Variants in DNAH14 observed in about 807,000 individuals in gnomAD.
DNAH14 encodes the protein dynein axonemal heavy chain 14.
In DNAH14, 478 loss-of-function variants were observed where a neutral mutation model predicts 520.9. That is an observed-to-expected ratio of 0.92 (90% CI 0.85 to 0.99). DNAH14 has a LOEUF of 0.99. Ranked by LOEUF, DNAH14 falls within the 50% of genes least tolerant of loss-of-function variation. DNAH14 has a pLI of 0.00. For missense variants in DNAH14, 4,831 were observed against 5,234.5 expected (o/e 0.92, Z 2.38); for synonymous variants, 1,581 against 1,757.2 (o/e 0.90, Z 2.51).
chr1:225,044,080 T>C, intron 15 of DNAH14, 97 bp downstream of exon 15: 2 of 671,032 alleles, frequency 3.0e-6, no homozygotes, highest in Non-Finnish European at 5.0e-6. Context: ...ATGTGGCAGA[T>C]GTTACAGAAT....
At chr1:225,154,106 T>G (rs540171434) in intron 34 of DNAH14, among the ~76,000 whole-genome samples, 26 of 151,982 alleles carry the variant, frequency 1.7e-4, no homozygotes, top group African/African-American at 6.0e-4. Flanking sequence ...GAATAATAAC[T>G]CAATGAGAAA....
At position 225,152,689 on chromosome 1, in the gene DNAH14, C is replaced by G. The variant is rs1387012200; in HGVS notation, c.5010-8C>G. 2 of 1,512,064 alleles carry G rather than the reference C, an allele frequency of 1.3e-6. No individual in the cohort carries two copies. Among genetic ancestry groups the G allele is most frequent in the African/African-American group, 1.4e-5 (1 of 70,426 alleles). The allele number at this position is 1,512,064 out of a possible 1,614,324, so 93.7% of individuals were successfully genotyped here. Reference sequence around the variant, plus strand: ...GTTTTTATTGTTTGTTTTTCTTTTCCTCTTCAGATACGGAGGTGGAGTAGA... The same window carrying G: ...GTTTTTATTGTTTGTTTTTCTTTTCGTCTTCAGATACGGAGGTGGAGTAGA... On this transcript the variant is annotated splice_polypyrimidine_tract_variant and splice_region_variant and intron_variant, in intron 32 of 85. Coordinates refer to ENST00000682510, the MANE Select transcript of DNAH14 (RefSeq NM_001367479.1).
intron 36 of DNAH14, among the ~76,000 whole-genome samples, chr1:225,176,317 T>C (rs1426595785): frequency 1.3e-5 from 2 of 152,360 alleles, no homozygotes. Flanking sequence ...GAAAAGATAC[T>C]TGATTGGATT....
rs1250580614 is a variant in DNAH14 at position 225,264,191 on chromosome 1, T to C, written c.7158-6T>C. ...AATTTTGAATCCTTAAAATATTTCA[T>C]TCCAGTAGCCTAAAACAGAATATCA... On this transcript the variant is annotated splice_region_variant and splice_polypyrimidine_tract_variant and intron_variant, in intron 46 of 85. Transcript: ENST00000682510. 6.5e-7 allele frequency: 1 copy of C among 1,547,978 alleles called. No individual in the cohort carries two copies. The highest frequency in any genetic ancestry group is 1.2e-5 in the South Asian group (1 of 83,532).
At chr1:225,113,158 A>G (rs2076606283) in intron 23 of DNAH14, among the ~76,000 whole-genome samples, 1 of 152,072 alleles carries the variant, frequency 6.6e-6, no homozygotes, top group African/African-American at 2.4e-5. Flanking sequence ...GGCTGTTACT[A>G]TCTATGTTAT....
At chr1:225,369,646 A>C (rs915036646) in intron 77 of DNAH14, among the ~76,000 whole-genome samples, 2 of 152,162 alleles carry the variant, frequency 1.3e-5, no homozygotes, top group African/African-American at 4.8e-5. Flanking sequence ...TAGTCAACAA[A>C]TTTGATTAAC....
At chr1:225,098,028 AAAAC>A (rs905240429) in intron 22 of DNAH14, among the ~76,000 whole-genome samples, 28 of 152,080 alleles carry the variant, frequency 1.8e-4, no homozygotes, top group African/African-American at 5.6e-4. Flanking sequence ...TCATGTCTTA[AAAAC>A]AAACAAACAA....
chr1:224,937,094 G>A (rs566275619), intron 1 of DNAH14, among the ~76,000 whole-genome samples: 1 of 151,652 alleles, frequency 6.6e-6, no homozygotes, highest in Non-Finnish European at 1.5e-5. Flanking sequence ...ATATATGACA[G>A]ACCTACAGCC....
intron 21 of DNAH14, among the ~76,000 whole-genome samples, chr1:225,087,126 T>A (rs2073908934): frequency 1.3e-5 from 2 of 152,058 alleles, no homozygotes; most frequent in Non-Finnish European, 2.9e-5. Flanking sequence ...TACCACACAC[T>A]GGATGACGTA....
intron 41 of DNAH14, among the ~76,000 whole-genome samples, 174 bp downstream of exon 41, chr1:225,207,394 T>C (rs2087724767): frequency 6.6e-6 from 1 of 152,090 alleles, no homozygotes; most frequent in Admixed American, 6.6e-5. Flanking sequence ...GAGGAACATA[T>C]CAAAAGTAAA....
intron 60 of DNAH14, among the ~76,000 whole-genome samples, chr1:225,309,386 G>C (rs903154033): frequency 1.3e-5 from 2 of 152,086 alleles, no homozygotes; most frequent in Non-Finnish European, 1.5e-5. Context: ...TTTCAAACTA[G>C]GTAACAGAAG....
At chr1:225,054,179 A>G (rs974792715) in intron 17 of DNAH14, among the ~76,000 whole-genome samples, 4 of 152,346 alleles carry the variant, frequency 2.6e-5, no homozygotes, top group Admixed American at 2.6e-4. Context: ...AGGTGTGGGT[A>G]GGAACTGGAA....
At chr1:225,371,484 A>G (rs2095618322) in intron 77 of DNAH14, among the ~76,000 whole-genome samples, 1 of 152,182 alleles carries the variant, frequency 6.6e-6, no homozygotes, top group South Asian at 2.1e-4. Flanking sequence ...ACATAGTCAA[A>G]CACTGAAATT....
chr1:225,343,299 C>T, intron 69 of DNAH14, among the ~76,000 whole-genome samples: 1 of 152,146 alleles, frequency 6.6e-6, no homozygotes, highest in East Asian at 1.9e-4. Context: ...TGACAAAGAA[C>T]TTACGTTTTT....
chr1:225,118,039 G>A (rs376541385), intron 25 of DNAH14, 40 bp downstream of exon 25: 74 of 1,397,500 alleles, frequency 5.3e-5, no homozygotes, highest in Non-Finnish European at 6.4e-5. Context: ...TCTGTACAAC[G>A]TCATTATTTA....
chr1:225,256,159 C>A (rs2092724209), intron 44 of DNAH14, among the ~76,000 whole-genome samples: 1 of 151,964 alleles, frequency 6.6e-6, no homozygotes, highest in African/African-American at 2.4e-5. Context: ...CTACTATAAG[C>A]AATAAGAGAA....
chr1:225,065,866 T>A (rs2070825043), intron 17 of DNAH14, among the ~76,000 whole-genome samples: 1 of 152,112 alleles, frequency 6.6e-6, no homozygotes, highest in Non-Finnish European at 1.5e-5. Flanking sequence ...TCAGATCTTT[T>A]GGGTAAATAC....
chr1:225,115,816 C>T (rs1315626222), intron 23 of DNAH14, among the ~76,000 whole-genome samples: 1 of 152,212 alleles, frequency 6.6e-6, no homozygotes, highest in Non-Finnish European at 1.5e-5. Context: ...GTATCAGGCA[C>T]TGCTGCTATG....
chr1:225,068,501 T>C (rs192253133), intron 17 of DNAH14, among the ~76,000 whole-genome samples: 2 of 152,346 alleles, frequency 1.3e-5, no homozygotes, highest in Admixed American at 1.3e-4. Context: ...AATGGTAGTT[T>C]AATGGAAATA....
Sources: allele counts gnomAD v4.1 joint callset (sites outside exome capture counted in the v4.1 genomes callset), GRCh38; gene constraint gnomAD v4.1.1; transcripts MANE v1.5; gene names NCBI Gene and HGNC (gene_info 2026-07-23, HGNC 2026-07-21).